The following ZNF385B variants were observed in gnomAD, a reference collection of about 807,000 sequenced individuals.
ZNF385B encodes zinc finger protein 385B, also known as zinc finger protein 533.
In ZNF385B, 23 loss-of-function variants were observed where a neutral mutation model predicts 39.2. The ratio of observed to expected loss-of-function variants is 0.59; its 90% CI spans 0.42 to 0.83. The LOEUF (loss-of-function observed/expected upper bound fraction) is 0.83. Among genes scored for constraint, ZNF385B ranks in the 40% least tolerant of loss-of-function variants. ZNF385B has a pLI of 0.00. For synonymous variants in ZNF385B, 205 were observed against 222.6 expected (o/e 0.92, Z 0.70); for missense variants, 552 against 598.9 (o/e 0.92, Z 0.82).
intron 1 of ZNF385B, among the ~76,000 whole-genome samples, chr2:179,773,141 A>G (rs972961710): frequency 1.3e-5 from 2 of 151,948 alleles, no homozygotes; most frequent in African/African-American, 4.8e-5. Flanking sequence ...ATTTTCCCTG[A>G]CCTGCATTGT....
At chr2:179,653,092 T>C (rs544907919) in intron 3 of ZNF385B, among the ~76,000 whole-genome samples, 9 of 152,318 alleles carry the variant, frequency 5.9e-5, no homozygotes, top group Admixed American at 4.6e-4. Context: ...TCTAAATGCA[T>C]AGAAGAACGA....
chr2:179,589,358 A>G (rs2106065154), intron 3 of ZNF385B, among the ~76,000 whole-genome samples: 1 of 152,332 alleles, frequency 6.6e-6, no homozygotes, highest in South Asian at 2.1e-4. Context: ...CTTCCTGTCC[A>G]TTATCCCATC....
chr2:179,677,486 C>T (rs748901635), intron 3 of ZNF385B, among the ~76,000 whole-genome samples: 1 of 152,136 alleles, frequency 6.6e-6, no homozygotes, highest in African/African-American at 2.4e-5. Context: ...ACTTCTGAAA[C>T]GAATGAAGTT....
intron 1 of ZNF385B, among the ~76,000 whole-genome samples, chr2:179,803,806 G>C (rs1336922524): frequency 1.3e-5 from 2 of 152,094 alleles, no homozygotes; most frequent in Non-Finnish European, 2.9e-5. Context: ...CAGAGCATCT[G>C]CTAAGAACTA....
intron 6 of ZNF385B, among the ~76,000 whole-genome samples, chr2:179,450,794 T>C (rs1208387403): frequency 1.3e-5 from 2 of 152,100 alleles, no homozygotes; most frequent in African/African-American, 4.8e-5. Flanking sequence ...TAAAGACATA[T>C]GCACATGTAT....
intron 3 of ZNF385B, among the ~76,000 whole-genome samples, chr2:179,705,455 T>C (rs1471819568): frequency 6.6e-6 from 1 of 152,216 alleles, no homozygotes; most frequent in Non-Finnish European, 1.5e-5. Flanking sequence ...TCCTACATGA[T>C]TTCAACATCC....
intron 1 of ZNF385B, among the ~76,000 whole-genome samples, chr2:179,830,673 G>T (rs2169483): frequency 0.02 from 3,083 of 152,282 alleles, 98 homozygotes; most frequent in African/African-American, 0.07. Context: ...CAAAACTAGA[G>T]AGACAATAAA....
chr2:179,551,849 C>A (rs4267476), intron 3 of ZNF385B, among the ~76,000 whole-genome samples: 12 of 151,708 alleles, frequency 7.9e-5, no homozygotes, highest in African/African-American at 2.9e-4. Context: ...AGACAGAGTC[C>A]AGGTCTCACA....
intron 1 of ZNF385B, chr2:179,814,616 C>G: frequency 3.6e-6 from 2 of 559,562 alleles, no homozygotes; most frequent in South Asian, 1.6e-5. Flanking sequence ...ACTGTAGGGC[C>G]CTCAATGGTG....
At chr2:179,710,897 T>A (rs967091115) in intron 3 of ZNF385B, among the ~76,000 whole-genome samples, 8 of 152,222 alleles carry the variant, frequency 5.3e-5, no homozygotes, top group Non-Finnish European at 1.0e-4. Flanking sequence ...GTACTTAGTA[T>A]AATGACCCTC....
intron 3 of ZNF385B, among the ~76,000 whole-genome samples, chr2:179,591,246 C>A (rs1268753472): frequency 6.6e-6 from 1 of 151,812 alleles, no homozygotes; most frequent in Non-Finnish European, 1.5e-5. Context: ...TCCCTCTGTT[C>A]TTTCTATATT....
intron 3 of ZNF385B, among the ~76,000 whole-genome samples, chr2:179,590,819 A>C (rs1422578564): frequency 1.3e-5 from 2 of 152,066 alleles, no homozygotes; most frequent in East Asian, 3.8e-4. Context: ...GATGTCCCTT[A>C]CACACCCCTT....
chr2:179,756,162 T>C (rs1197910737), intron 3 of ZNF385B, among the ~76,000 whole-genome samples: 3 of 152,068 alleles, frequency 2.0e-5, no homozygotes, highest in Non-Finnish European at 2.9e-5. Flanking sequence ...GGAGCTCTTT[T>C]AGGGCAGGCC....
At chr2:179,525,873 A>G (rs887812188) in intron 4 of ZNF385B, among the ~76,000 whole-genome samples, 1 of 152,044 alleles carries the variant, frequency 6.6e-6, no homozygotes, top group African/African-American at 2.4e-5. Context: ...ATATTTAAAG[A>G]CTCTGACCAT....
At chr2:179,751,561 A>G (rs1702677354) in intron 3 of ZNF385B, among the ~76,000 whole-genome samples, 1 of 152,160 alleles carries the variant, frequency 6.6e-6, no homozygotes, top group African/African-American at 2.4e-5. Context: ...GAGTTATAAT[A>G]CCTATCATTA....
At chr2:179,484,959 T>C (rs761584047) in intron 5 of ZNF385B, among the ~76,000 whole-genome samples, 18 of 152,096 alleles carry the variant, frequency 1.2e-4, no homozygotes, top group Admixed American at 9.2e-4. Flanking sequence ...AGTGCTTACA[T>C]AGGCCTCTTG....
chr2:179,682,082 G>A (rs1402654561), intron 3 of ZNF385B, among the ~76,000 whole-genome samples: 1 of 152,128 alleles, frequency 6.6e-6, no homozygotes, highest in Non-Finnish European at 1.5e-5. Flanking sequence ...ACATGCCAGG[G>A]TCAAGTAAAG....
At chr2:179,827,781 A>G (rs2106592047) in intron 1 of ZNF385B, among the ~76,000 whole-genome samples, 1 of 152,274 alleles carries the variant, frequency 6.6e-6, no homozygotes, top group South Asian at 2.1e-4. Context: ...GAACCTATGA[A>G]TTGTCACGAC....
chr2:179,549,630 T>C (rs958662838), intron 3 of ZNF385B, among the ~76,000 whole-genome samples: 2 of 149,796 alleles, frequency 1.3e-5, no homozygotes, highest in African/African-American at 5.0e-5. Context: ...TCAATGATCC[T>C]TTTTGGTAAT....
Sources: allele counts gnomAD v4.1 joint callset (sites outside exome capture counted in the v4.1 genomes callset), GRCh38; gene constraint gnomAD v4.1.1; transcripts MANE v1.5; gene names NCBI Gene and HGNC (gene_info 2026-07-23, HGNC 2026-07-21).